The following NRG4 variants were observed in gnomAD, a reference collection of about 807,000 sequenced individuals.
The protein encoded by NRG4 is pro-neuregulin-4, membrane-bound isoform.
NRG4 carries 10 observed loss-of-function variants against 15.0 expected under a neutral mutation model. That is an observed-to-expected ratio of 0.67 (90% confidence interval 0.41 to 1.13). The LOEUF is 1.13. Among genes scored for constraint, NRG4 ranks in the 50% most tolerant of loss-of-function variants. NRG4 has a pLI of 0.00. For synonymous variants in NRG4, 41 were observed against 50.1 expected, an observed-to-expected ratio of 0.82 and a Z score of 0.77; for missense variants, 139 against 140.2, an observed-to-expected ratio of 0.99 and a Z score of 0.04.
intron 5 of NRG4, among the ~76,000 whole-genome samples, chr15:75,944,970 A>C (rs2031392643): frequency 6.6e-6 from 1 of 151,438 alleles, no homozygotes; most frequent in Non-Finnish European, 1.5e-5. Context: ...TTTTTTAACA[A>C]GTATGTCTTT....
intron 4 of NRG4, among the ~76,000 whole-genome samples, chr15:76,038,403 G>C (rs2035646172): frequency 6.6e-6 from 1 of 152,178 alleles, no homozygotes; most frequent in African/African-American, 2.4e-5. Flanking sequence ...TGAATCCCAG[G>C]CTTGGTAGCA....
At chr15:76,041,255 A>G (rs999705795) in intron 4 of NRG4, among the ~76,000 whole-genome samples, 3 of 152,168 alleles carry the variant, frequency 2.0e-5, no homozygotes, top group Non-Finnish European at 4.4e-5. Context: ...AAAGGAAGAG[A>G]AGACCATAAA....
In NRG4 at chr15:75,983,748, A is replaced by G. The variant is rs905736856; in HGVS notation, c.105-21774T>C. Among the ~76,000 whole-genome samples, 8 of 152,292 alleles carry G rather than the reference A, an allele frequency of 5.3e-5. No individual in the cohort carries two copies. The East Asian group carries it at 1.2e-3, about 22-fold the overall frequency. Reference sequence around the variant, plus strand: ...AGGAAAAGCCCCAGTCACAATACAAACAAAATGATGAAATAACTAAGAATA... The same window carrying G: ...AGGAAAAGCCCCAGTCACAATACAAGCAAAATGATGAAATAACTAAGAATA... On this transcript the variant is annotated intron_variant, in intron 3 of 5. Transcript: ENST00000394907.
At chr15:76,007,440 T>C (rs2034646608) in intron 3 of NRG4, among the ~76,000 whole-genome samples, 1 of 150,676 alleles carries the variant, frequency 6.6e-6, no homozygotes. Flanking sequence ...TTTTTTTTTT[T>C]TTTTTTTGAG....
upstream of NRG4, among the ~76,000 whole-genome samples, chr15:76,013,649 A>G (rs2034885368): frequency 6.6e-6 from 1 of 152,176 alleles, no homozygotes; most frequent in South Asian, 2.1e-4. Context: ...AGCTTCATCC[A>G]TGGCCCTGCA....
rs372958499 is a variant in NRG4 at position 75,977,676 on chromosome 15, G to A, written c.105-15702C>T. On this transcript the variant is annotated intron_variant, in intron 3 of 5. Transcript: ENST00000394907. The surrounding 1 kb of genome is among the most constrained non-coding windows in gnomAD (Gnocchi z 4.9). ...CTAACCAGTCCCAGTGAGATAAGCC[G>A]GGTACTTCAGTTGGAAATGCAGAAA... 1.9e-4 allele frequency among the ~76,000 whole-genome samples: 29 copies of A among 152,154 alleles called. No individual in the cohort carries two copies. Among genetic ancestry groups the A allele is most frequent in the African/African-American group, 1.4e-4 (6 of 41,520 alleles).
At chr15:75,954,448 GA>G (rs2032107564) in intron 5 of NRG4, among the ~76,000 whole-genome samples, 1 of 86,304 alleles carries the variant, frequency 1.2e-5, no homozygotes, top group Admixed American at 1.2e-4. Context: ...TTTTTTTTTT[GA>G]GACGGAATCT....
At chr15:75,957,475 G>C (rs1303033671) in intron 4 of NRG4, among the ~76,000 whole-genome samples, 1 of 152,154 alleles carries the variant, frequency 6.6e-6, no homozygotes, top group East Asian at 1.9e-4. Context: ...GTCAGCTGTT[G>C]GTTTAATTGT....
At chr15:75,946,867 G>A (rs2031558710) in intron 5 of NRG4, among the ~76,000 whole-genome samples, 1 of 152,170 alleles carries the variant, frequency 6.6e-6, no homozygotes, top group South Asian at 2.1e-4. Flanking sequence ...CACCTATGTT[G>A]TGGCATGTTT....
downstream of NRG4, chr15:75,936,892 A>G (rs1460286459): frequency 3.9e-5 from 6 of 152,166 alleles, no homozygotes; most frequent in Admixed American, 3.9e-4. Flanking sequence ...CATTTCTTAA[A>G]ACAGATTTAT....
At chr15:76,055,510 A>G (rs1439265366) in intron 2 of NRG4, among the ~76,000 whole-genome samples, 1 of 152,198 alleles carries the variant, frequency 6.6e-6, no homozygotes, top group Non-Finnish European at 1.5e-5. Flanking sequence ...GGTTGCGAAC[A>G]TGAACTGTGC....
intron 4 of NRG4, among the ~76,000 whole-genome samples, chr15:75,960,623 A>G (rs1356644897): frequency 6.6e-6 from 1 of 152,202 alleles, no homozygotes; most frequent in African/African-American, 2.4e-5. Flanking sequence ...TTCTTACAAC[A>G]TGGCGGCTGA....
At chr15:75,986,455 AAATAT>A (rs1477597677) in intron 3 of NRG4, among the ~76,000 whole-genome samples, 1 of 152,184 alleles carries the variant, frequency 6.6e-6, no homozygotes, top group Non-Finnish European at 1.5e-5. Context: ...TATCTGCATA[AAATAT>A]AATACTATGT....
chr15:76,010,921 CTTTTATTCT>C (rs992535202), intron 2 of NRG4, among the ~76,000 whole-genome samples: 1 of 152,050 alleles, frequency 6.6e-6, no homozygotes, highest in Non-Finnish European at 1.5e-5. Flanking sequence ...TCTGAATCTA[CTTTTATTCT>C]GACTTCTATT....
At chr15:75,998,425 A>G (rs1341936205) in intron 3 of NRG4, among the ~76,000 whole-genome samples, 3 of 152,118 alleles carry the variant, frequency 2.0e-5, no homozygotes, top group African/African-American at 7.2e-5. Context: ...AGCCATGAGG[A>G]TATTGGGGGA....
chr15:76,052,989 AG>A (rs2036057016), intron 2 of NRG4: 1 of 151,190 alleles, frequency 6.6e-6, no homozygotes, highest in Non-Finnish European at 1.5e-5. Context: ...TTAGTCTGTT[AG>A]AAAGTAAAAA....
At chr15:75,955,187 A>C (rs1264752828) in intron 5 of NRG4, among the ~76,000 whole-genome samples, 2 of 152,014 alleles carry the variant, frequency 1.3e-5, no homozygotes, top group African/African-American at 4.8e-5. Context: ...CTCTCTTCAT[A>C]CACCTCTCTT....
chr15:76,007,426 A>G (rs1039780418), intron 3 of NRG4, among the ~76,000 whole-genome samples: 2 of 141,686 alleles, frequency 1.4e-5, no homozygotes, highest in East Asian at 2.0e-4. Flanking sequence ...TATTAAACGC[A>G]CTTTTTTTTT....
chr15:76,001,529 AC>A (rs573217498), intron 3 of NRG4, among the ~76,000 whole-genome samples: 2 of 152,220 alleles, frequency 1.3e-5, no homozygotes, highest in Non-Finnish European at 2.9e-5. Context: ...CTCAGTAGCC[AC>A]ACATGGCTCC....
Sources: allele counts gnomAD v4.1 joint callset (sites outside exome capture counted in the v4.1 genomes callset), GRCh38; gene constraint gnomAD v4.1.1; non-coding constraint Gnocchi (gnomAD v3.1); transcripts MANE v1.5; gene names NCBI Gene and HGNC (gene_info 2026-07-23, HGNC 2026-07-21).